Variants in ABCA6 observed in about 807,000 individuals in gnomAD.
ABCA6 encodes ATP binding cassette subfamily A member 6.
ABCA6 carries 164 observed loss-of-function variants against 191.2 expected under a neutral mutation model. That is an observed-to-expected ratio of 0.86 (90% confidence interval 0.76 to 0.98). ABCA6 has a LOEUF of 0.98. ABCA6 is among the 50% of genes least tolerant of loss of function. The pLI, the probability that ABCA6 is intolerant of heterozygous loss-of-function variation, is 0.00. For missense variants in ABCA6, 1,958 were observed against 1,894.1 expected (o/e 1.03, Z -0.63); for synonymous variants, 636 against 647.7 (o/e 0.98, Z 0.27).
rs760725582 is a variant in ABCA6, at chr17:69,113,712, T to C, written c.1808A>G (p.Asp603Gly). 6 of 1,612,444 alleles carry C rather than the reference T, an allele frequency of 3.7e-6. No homozygotes were observed. The highest frequency in any genetic ancestry group is 5.1e-6 in the Non-Finnish European group (6 of 1,179,024). ...AAGGTTATCTTGAATGTTTTGCATG[T>C]CCAATTCCAATAATATTCGTTGTAC... Reference protein sequence around the residue: ...QEVQRILLELDMQNIQDNLAK... With the variant: ...QEVQRILLELGMQNIQDNLAK... The change falls in exon 14 of 39, where the codon GAC (aspartate) becomes GGC (glycine). Residue 603 changes from aspartate to glycine, a missense_variant. By Grantham distance (94) the Asp-to-Gly change is moderately conservative (BLOSUM62 -1). Coordinates refer to ENST00000284425, the MANE Select transcript of ABCA6 (RefSeq NM_080284.3).
rs2072750971 is a variant in ABCA6 at position 69,085,192 on chromosome 17, T to C, written c.4030-10A>G. On this transcript the variant is annotated splice_polypyrimidine_tract_variant and intron_variant, in intron 31 of 38. Coordinates refer to ENST00000284425, the MANE Select transcript of ABCA6 (RefSeq NM_080284.3). ...AGCCTTTCAGTTCCACCTAAAAAAA[T>C]AAAAGAGCTTTAGAAAGGCATGCAG... 1.3e-6 allele frequency: 2 copies of C among 1,599,398 alleles called. No individual in the cohort carries two copies. Among genetic ancestry groups the C allele is most frequent in the Admixed American group, 1.7e-5 (1 of 57,262 alleles).
In ABCA6 at chr17:69,115,462, C is replaced by T. The variant is rs142091347; in HGVS notation, c.1520G>A (p.Gly507Asp). The change falls in exon 12 of 39, where the codon GGT becomes GAT. Residue 507 changes from glycine (G) to aspartate (D), a missense_variant. Gly to Asp is a moderately conservative substitution (Grantham distance 94, BLOSUM62 -1). Coordinates refer to ENST00000284425, the MANE Select transcript of ABCA6 (RefSeq NM_080284.3). ...LKGLLFDIYEGQITAILGHSG... is the reference protein window; with the variant it reads ...LKGLLFDIYEDQITAILGHSG... ...GTGACCCAGGATTGCCGTGATTTGA[C>T]CTTCATATATGTCAAAGAGCAAGCC... The T allele has an allele frequency of 2.5e-6, 4 of 1,610,894 alleles. No individual in the cohort carries two copies. The Admixed American group carries it at 6.7e-5, about 27-fold the overall frequency.
chr17:69,088,155 T>C lies in ABCA6; in HGVS notation c.3698+12A>G, dbSNP rs777723098. On this transcript the variant is annotated intron_variant, in intron 28 of 38. Coordinates refer to ENST00000284425, the MANE Select transcript of ABCA6 (RefSeq NM_080284.3). ...ATATGATATTAAGTATAAAGTTAAA[T>C]TTCACCCCAACCTGAAAACAGGATC... 12 of 1,603,148 alleles carry C rather than the reference T, an allele frequency of 7.5e-6. No homozygotes were observed. The highest frequency in any genetic ancestry group is 1.0e-5 in the Non-Finnish European group (12 of 1,172,882).
intron 10 of ABCA6, among the ~76,000 whole-genome samples, chr17:69,122,909 T>C (rs1442228488): frequency 6.6e-6 from 1 of 151,430 alleles, no homozygotes; most frequent in Non-Finnish European, 1.5e-5. Context: ...CCTGATGCTC[T>C]CGGTTAATAA....
chr17:69,140,211 G>T (rs924428160), intron 2 of ABCA6, among the ~76,000 whole-genome samples: 4 of 152,092 alleles, frequency 2.6e-5, no homozygotes, highest in African/African-American at 7.2e-5. Context: ...ACTTTCAGTG[G>T]TGTTAGTTGA....
At chr17:69,132,502 ATGGAGTCTCACTC>A in intron 6 of ABCA6, among the ~76,000 whole-genome samples, 1 of 151,996 alleles carries the variant, frequency 6.6e-6, no homozygotes. Context: ...GTTTGTTTTT[ATGGAGTCTCACTC>A]TGTCGCCCAG....
Position 69,140,669 on chromosome 17 carries a change from G to C in ABCA6, c.35C>G (p.Thr12Ser). ...NMKQKSVYQQ[T>S]KALLCKNFLK... ...AAAATTCTTGCACAGAAGTGCTTTGGTTTGCTGATACACGCTTTTCTGTTT... is the reference window on the plus strand; with the variant it reads ...AAAATTCTTGCACAGAAGTGCTTTGCTTTGCTGATACACGCTTTTCTGTTT... Residue 12 changes from threonine (T) to serine (S), a missense_variant, in exon 2 of 39, where the codon ACC becomes AGC. Physicochemically the swap from Thr to Ser is moderately conservative, Grantham distance 58. Transcript: ENST00000284425. 6.3e-7 allele frequency: 1 copy of C among 1,599,834 alleles called. No individual in the cohort carries two copies. The highest frequency in any genetic ancestry group is 8.5e-7 in the Non-Finnish European group (1 of 1,173,444).
chr17:69,123,184 T>C (rs1346484625), intron 10 of ABCA6, 55 bp downstream of exon 10: 1 of 1,165,024 alleles, frequency 8.6e-7, no homozygotes, highest in African/African-American at 1.6e-5. Context: ...TTAAAAATAA[T>C]AATAATTCTT....
chr17:69,140,569 G>T, intron 2 of ABCA6, 39 bp downstream of exon 2: 1 of 1,323,084 alleles, frequency 7.6e-7, no homozygotes, highest in Non-Finnish European at 1.1e-6. Context: ...AACACTGTAA[G>T]AGTGCTAACC....
At chr17:69,125,836 T>C (rs2144699069) in intron 8 of ABCA6, among the ~76,000 whole-genome samples, 1 of 152,278 alleles carries the variant, frequency 6.6e-6, no homozygotes, top group East Asian at 1.9e-4. Context: ...GAAAATAATG[T>C]GATCAATATA....
intron 17 of ABCA6, chr17:69,110,294 T>C (rs966650916): frequency 6.5e-6 from 1 of 154,608 alleles, no homozygotes; most frequent in Non-Finnish European, 1.4e-5. Context: ...CATTCACCTG[T>C]ACACGGTAAA....
chr17:69,082,735 A>G (rs550938199), intron 36 of ABCA6, 138 bp downstream of exon 36: 40 of 1,295,748 alleles, frequency 3.1e-5, no homozygotes, highest in Admixed American at 2.4e-4. Flanking sequence ...TATAATCTGG[A>G]ATACTGAACA....
chr17:69,128,981 G>A (rs149189038), intron 7 of ABCA6, among the ~76,000 whole-genome samples, 177 bp from the exon 8 acceptor site: 1 of 152,244 alleles, frequency 6.6e-6, no homozygotes, highest in East Asian at 1.9e-4. Context: ...CTTGAAAAAG[G>A]ATCCTTGTTT....
intron 20 of ABCA6, chr17:69,105,157 A>G: frequency 3.4e-6 from 1 of 293,196 alleles, no homozygotes; most frequent in Non-Finnish European, 6.2e-6. Flanking sequence ...AGGGATCTCA[A>G]AATAGAACGG....
intron 12 of ABCA6, 38 bp from the exon 13 acceptor site, chr17:69,114,975 T>C (rs758990536): frequency 1.7e-5 from 24 of 1,430,514 alleles, no homozygotes; most frequent in African/African-American, 1.4e-5. Context: ...GGCAAGATAA[T>C]ACATTCTATT....
chr17:69,091,106 A>G, intron 26 of ABCA6, 37 bp downstream of exon 26: 1 of 1,590,416 alleles, frequency 6.3e-7, no homozygotes, highest in Non-Finnish European at 8.5e-7. Flanking sequence ...TAAGCTACAT[A>G]TTCAAAATTA....
At chr17:69,113,133 T>C in intron 15 of ABCA6, 89 bp downstream of exon 15, 6 of 1,440,728 alleles carry the variant, frequency 4.2e-6, no homozygotes, top group Non-Finnish European at 5.5e-6. Flanking sequence ...ATCACCATAA[T>C]GAGAGCAGGG....
intron 21 of ABCA6, 53 bp from the exon 22 acceptor site, chr17:69,100,987 G>A: frequency 6.9e-7 from 1 of 1,454,690 alleles, no homozygotes; most frequent in South Asian, 1.3e-5. Context: ...AAAGAACAAA[G>A]GCAAGGTTTA....
intron 31 of ABCA6, 58 bp downstream of exon 31, chr17:69,085,567 A>T: frequency 8.8e-7 from 1 of 1,136,700 alleles, no homozygotes; most frequent in Non-Finnish European, 1.3e-6. Context: ...TTACAAAGAT[A>T]TAATCTATAC....
Sources: allele counts gnomAD v4.1 joint callset (sites outside exome capture counted in the v4.1 genomes callset), GRCh38; gene constraint gnomAD v4.1.1; transcripts MANE v1.5; gene names NCBI Gene and HGNC (gene_info 2026-07-23, HGNC 2026-07-21).